The following SCHIP1 variants were observed in gnomAD, a reference collection of about 807,000 sequenced individuals.
The protein encoded by SCHIP1 is schwannomin interacting protein 1.
SCHIP1 carries 8 observed loss-of-function variants against 29.7 expected under a neutral mutation model. The observed-to-expected ratio is 0.27, with a 90% confidence interval of 0.16 to 0.49. The LOEUF (loss-of-function observed/expected upper bound fraction) is 0.49. Ranked by LOEUF, SCHIP1 falls within the 20% of genes least tolerant of loss-of-function variation. The probability of loss-of-function intolerance (pLI) is 0.99; values close to 1 mark genes in which losing one functional copy is unlikely to be tolerated. For missense variants in SCHIP1, 193 were observed against 294.6 expected, an observed-to-expected ratio of 0.66 and a Z score of 2.52; for synonymous variants, 76 against 94.9, an observed-to-expected ratio of 0.80 and a Z score of 1.16.
intron 2 of SCHIP1, among the ~76,000 whole-genome samples, chr3:159,872,659 G>A (rs1299489651): frequency 3.3e-5 from 5 of 152,142 alleles, no homozygotes; most frequent in East Asian, 1.9e-4. Flanking sequence ...CTGAGAACAC[G>A]ATGACTGTTT....
At chr3:159,775,186 T>C in the SCHIP1 span, among the ~76,000 whole-genome samples, 1 of 152,352 alleles carries the variant, frequency 6.6e-6, no homozygotes, top group African/African-American at 2.4e-5. Flanking sequence ...AACTCTGCCG[T>C]ATAGAAATAA....
At chr3:159,657,200 G>A in the SCHIP1 span, among the ~76,000 whole-genome samples, 1 of 152,152 alleles carries the variant, frequency 6.6e-6, no homozygotes, top group African/African-American at 2.4e-5. Context: ...ATTAATGTAA[G>A]TGACCATCTT....
the SCHIP1 span, among the ~76,000 whole-genome samples, chr3:159,670,186 AT>A: frequency 1.3e-5 from 2 of 152,206 alleles, no homozygotes; most frequent in Non-Finnish European, 2.9e-5. Context: ...TTTCGGCTGG[AT>A]TAGACCATTC....
intron 2 of SCHIP1, among the ~76,000 whole-genome samples, chr3:159,870,982 T>C (rs1577466279): frequency 6.6e-6 from 1 of 152,180 alleles, no homozygotes. Context: ...TATAATATTA[T>C]ACATACTTTT....
the SCHIP1 span, among the ~76,000 whole-genome samples, chr3:159,374,342 T>C: frequency 6.6e-6 from 1 of 152,142 alleles, no homozygotes; most frequent in East Asian, 1.9e-4. Context: ...AGCAGGGTGA[T>C]GGCAAAGTAC....
At chr3:159,459,986 T>G in the SCHIP1 span, among the ~76,000 whole-genome samples, 1 of 152,300 alleles carries the variant, frequency 6.6e-6, no homozygotes, top group South Asian at 2.1e-4. Context: ...GAATGTCTCC[T>G]TGTTTAACTC....
At chr3:159,332,243 A>T in the SCHIP1 span, among the ~76,000 whole-genome samples, 4 of 152,208 alleles carry the variant, frequency 2.6e-5, no homozygotes, top group African/African-American at 9.6e-5. Flanking sequence ...ATATTTGCTG[A>T]ACCAATTTGC....
chr3:159,764,660 CGGAGGAGGACGG>C, the SCHIP1 span: 2 of 1,595,694 alleles, frequency 1.3e-6, no homozygotes, highest in East Asian at 2.3e-5. The surrounding 1 kb of genome is among the most constrained non-coding windows in gnomAD (Gnocchi z 6.1). Context: ...GAGTGGGCGC[CGGAGGAGGACGG>C]GGAGGAGGAG....
chr3:159,405,645 G>A, the SCHIP1 span, among the ~76,000 whole-genome samples: 9 of 152,022 alleles, frequency 5.9e-5, no homozygotes, highest in African/African-American at 9.7e-5. Flanking sequence ...TTGGGAGGCC[G>A]AGGCAGGCAG....
At chr3:159,491,422 C>G in the SCHIP1 span, among the ~76,000 whole-genome samples, 3 of 152,212 alleles carry the variant, frequency 2.0e-5, no homozygotes, top group Non-Finnish European at 4.4e-5. Context: ...TGCGCTTTTC[C>G]AACGGGTTTA....
At chr3:159,646,416 T>C in the SCHIP1 span, among the ~76,000 whole-genome samples, 3 of 152,100 alleles carry the variant, frequency 2.0e-5, no homozygotes, top group South Asian at 2.1e-4. Context: ...GAACACCCCA[T>C]TGGACTGACA....
At chr3:159,624,382 C>CA in the SCHIP1 span, among the ~76,000 whole-genome samples, 1 of 152,324 alleles carries the variant, frequency 6.6e-6, no homozygotes, top group East Asian at 1.9e-4. Flanking sequence ...TAAAGTCTAT[C>CA]AGGCTTCCTC....
the SCHIP1 span, among the ~76,000 whole-genome samples, chr3:159,419,534 C>T: frequency 3.3e-5 from 5 of 152,276 alleles, no homozygotes; most frequent in Admixed American, 2.6e-4. Flanking sequence ...TCTGGCTGGG[C>T]ACGTTGACTC....
chr3:159,385,227 A>T, the SCHIP1 span, among the ~76,000 whole-genome samples: 1 of 152,178 alleles, frequency 6.6e-6, no homozygotes. Context: ...CCAGTTCATA[A>T]GAGAGAAAAG....
At chr3:159,375,965 A>G in the SCHIP1 span, 1 of 154,156 alleles carries the variant, frequency 6.5e-6, no homozygotes. Context: ...ACCTTCTCCA[A>G]AACAGCCTAA....
At chr3:159,468,777 A>ATATATAT in the SCHIP1 span, among the ~76,000 whole-genome samples, 34 of 127,334 alleles carry the variant, frequency 2.7e-4, no homozygotes, top group South Asian at 5.1e-4. Flanking sequence ...ATATATATAT[A>ATATATAT]TTTTTTTTAG....
chr3:159,534,504 G>A, the SCHIP1 span, among the ~76,000 whole-genome samples: 1 of 152,244 alleles, frequency 6.6e-6, no homozygotes, highest in East Asian at 1.9e-4. Flanking sequence ...CAGAGACCCA[G>A]GATGATGGAG....
At chr3:159,361,297 A>T in the SCHIP1 span, among the ~76,000 whole-genome samples, 1 of 152,220 alleles carries the variant, frequency 6.6e-6, no homozygotes, top group Non-Finnish European at 1.5e-5. Context: ...CAAATATTTG[A>T]TAGAAAGGCA....
At chr3:159,324,094 G>A in the SCHIP1 span, among the ~76,000 whole-genome samples, 1 of 152,138 alleles carries the variant, frequency 6.6e-6, no homozygotes, top group Non-Finnish European at 1.5e-5. Context: ...TATAGATAAG[G>A]GGGGAGTAAT....
Sources: gnomAD v4.1 joint callset for allele counts (sites outside exome capture counted in the v4.1 genomes callset) on GRCh38, gnomAD v4.1.1 for gene constraint, Gnocchi (gnomAD v3.1) non-coding constraint, MANE v1.5 for transcripts, NCBI Gene and HGNC (gene_info 2026-07-23, HGNC 2026-07-21) for gene names.